The following ALDH1A2 variants were observed in gnomAD, a reference collection of about 807,000 sequenced individuals.
ALDH1A2 encodes the protein aldehyde dehydrogenase 1 family member A2, also known as retinal dehydrogenase 2.
A neutral mutation model predicts 60.3 loss-of-function variants in ALDH1A2; 27 were observed. That is an observed-to-expected ratio of 0.45 (90% CI 0.33 to 0.62). ALDH1A2 has a LOEUF of 0.62. ALDH1A2 is among the 20% of genes least tolerant of loss of function. ALDH1A2 has a pLI of 0.02. For synonymous variants in ALDH1A2, 289 were observed against 232.4 expected, an observed-to-expected ratio of 1.24 and a Z score of -2.21; for missense variants, 581 against 643.8, an observed-to-expected ratio of 0.90 and a Z score of 1.06.
chr15:58,009,447 C>A (rs1313319477), intron 4 of ALDH1A2, among the ~76,000 whole-genome samples: 1 of 151,862 alleles, frequency 6.6e-6, no homozygotes, highest in African/African-American at 2.4e-5. Flanking sequence ...TACTGCTCAG[C>A]CTGGCTAAGA....
intron 8 of ALDH1A2, chr15:57,964,902 G>C (rs1253181358): frequency 6.6e-6 from 1 of 152,186 alleles, no homozygotes; most frequent in Non-Finnish European, 1.5e-5. Context: ...AGCTAAAGCT[G>C]AACTCTGCAA....
chr15:58,027,582 C>T (rs187156827), intron 1 of ALDH1A2, among the ~76,000 whole-genome samples: 68 of 152,108 alleles, frequency 4.5e-4, no homozygotes, highest in South Asian at 4.2e-4. Flanking sequence ...TTCAGAAGGT[C>T]GGTAATAACA....
intron 7 of ALDH1A2, among the ~76,000 whole-genome samples, chr15:57,989,237 T>C (rs1272976387): frequency 3.3e-5 from 5 of 152,220 alleles, no homozygotes; most frequent in African/African-American, 1.2e-4. Context: ...CTAACACCTA[T>C]ATGATGACAT....
intron 1 of ALDH1A2, among the ~76,000 whole-genome samples, chr15:58,034,841 ATTC>A (rs1896335162): frequency 1.3e-5 from 2 of 151,584 alleles, no homozygotes; most frequent in African/African-American, 2.4e-5. Flanking sequence ...ATGGTGTATA[ATTC>A]TTTTTATACA....
intron 1 of ALDH1A2, among the ~76,000 whole-genome samples, chr15:58,047,861 A>C (rs1373845018): frequency 6.6e-6 from 1 of 152,030 alleles, no homozygotes; most frequent in African/African-American, 2.4e-5. Context: ...GTATAGAAAA[A>C]ACACCTAGAT....
intron 7 of ALDH1A2, among the ~76,000 whole-genome samples, chr15:57,967,546 C>T (rs1334713296): frequency 6.6e-6 from 1 of 152,172 alleles, no homozygotes; most frequent in Non-Finnish European, 1.5e-5. Flanking sequence ...GAAACTCCAA[C>T]TTCCCCTCAG....
intron 1 of ALDH1A2, among the ~76,000 whole-genome samples, chr15:58,022,509 T>C (rs1595672767): frequency 6.6e-6 from 1 of 151,964 alleles, no homozygotes; most frequent in Admixed American, 6.6e-5. Flanking sequence ...AACCACCTGG[T>C]CCACTGCTGC....
At chr15:58,046,566 T>C (rs983237267) in intron 1 of ALDH1A2, among the ~76,000 whole-genome samples, 2 of 152,028 alleles carry the variant, frequency 1.3e-5, no homozygotes, top group African/African-American at 4.8e-5. Flanking sequence ...GTCTGCCTTT[T>C]GCCACTTGTG....
At chr15:57,977,625 T>A (rs1267471476) in intron 7 of ALDH1A2, among the ~76,000 whole-genome samples, 1 of 152,248 alleles carries the variant, frequency 6.6e-6, no homozygotes, top group Admixed American at 6.5e-5. Context: ...AACCTTGTAG[T>A]AAAGTTTGAA....
Position 57,955,108 on chromosome 15 carries a change from C to G in ALDH1A2, c.*89G>C. The G allele has an allele frequency of 1.5e-6, 2 of 1,376,058 alleles. No individual in the cohort carries two copies. The highest frequency in any genetic ancestry group is 1.2e-5 in the South Asian group (1 of 86,214). 85.2% of individuals were successfully genotyped at this position (1,376,058 alleles called of 1,614,324 possible). ...CAATCTTTAAGTAAGGACCGTGGCTCAACTTTGTATTCCTGAGAGCTGGGC... is the reference window on the plus strand; with the variant it reads ...CAATCTTTAAGTAAGGACCGTGGCTGAACTTTGTATTCCTGAGAGCTGGGC... On this transcript the variant is annotated 3_prime_UTR_variant, in exon 13 of 13. Transcript: ENST00000249750.
chr15:58,013,520 G>T (rs1289698787), intron 3 of ALDH1A2, among the ~76,000 whole-genome samples: 4 of 151,898 alleles, frequency 2.6e-5, no homozygotes, highest in Non-Finnish European at 4.4e-5. Flanking sequence ...TTTTCCCCAG[G>T]TCTGCTTCAA....
intron 7 of ALDH1A2, among the ~76,000 whole-genome samples, chr15:57,988,017 G>C (rs1176650493): frequency 2.0e-5 from 3 of 152,062 alleles, no homozygotes; most frequent in African/African-American, 2.4e-5. Flanking sequence ...AATTATGCCA[G>C]AAGGAAATGG....
Position 57,965,796 on chromosome 15 carries a change from C to T in ALDH1A2, c.830G>A (p.Arg277Lys), listed in dbSNP as rs754090135. 1.2e-6 allele frequency: 2 copies of T among 1,614,176 alleles called. No homozygotes were observed. Among genetic ancestry groups the T allele is most frequent in the Non-Finnish European group, 1.7e-6 (2 of 1,179,992 alleles). ...VGKLIQEAAG[R>K]SNLKRVTLEL... ...CAGAGTTACTCTCTTCAAATTACTTCTTCCAGCTGCTTCTTGGATAAGCTT... is the reference window on the plus strand; with the variant it reads ...CAGAGTTACTCTCTTCAAATTACTTTTTCCAGCTGCTTCTTGGATAAGCTT... The change falls in exon 8 of 13, where the codon AGA (arginine) becomes AAA (lysine). Residue 277 changes from arginine (R) to lysine (K), a missense_variant. This residue lies in a region of ALDH1A2 where 375 missense variants were observed against 469.7 expected (regional missense o/e 0.80). Transcript: ENST00000249750.
chr15:57,988,876 A>G (rs1566939534), intron 7 of ALDH1A2, among the ~76,000 whole-genome samples: 1 of 111,038 alleles, frequency 9.0e-6, no homozygotes, highest in South Asian at 2.3e-4. Context: ...CCACTACCTG[A>G]TATTGTTATG....
intron 7 of ALDH1A2, among the ~76,000 whole-genome samples, chr15:57,981,721 A>T (rs978067619): frequency 1.1e-4 from 16 of 152,286 alleles, no homozygotes; most frequent in Admixed American, 2.6e-4. Context: ...CCCAAGCATT[A>T]ATTGTCCCAT....
intron 7 of ALDH1A2, among the ~76,000 whole-genome samples, chr15:57,981,490 C>A (rs1305593569): frequency 9.9e-5 from 15 of 152,166 alleles, no homozygotes; most frequent in African/African-American, 3.6e-4. Flanking sequence ...CTAATAGTTA[C>A]TGAATTCTTA....
chr15:58,060,036 C>T (rs772347900), intron 1 of ALDH1A2, among the ~76,000 whole-genome samples: 2 of 152,176 alleles, frequency 1.3e-5, no homozygotes, highest in Non-Finnish European at 2.9e-5. Flanking sequence ...GATTCTCCTG[C>T]CTCAGCCTTC....
At chr15:57,975,667 G>A (rs1478876259) in intron 7 of ALDH1A2, among the ~76,000 whole-genome samples, 2 of 152,132 alleles carry the variant, frequency 1.3e-5, no homozygotes, top group East Asian at 1.9e-4. Context: ...AAAAAAGAAC[G>A]AATTGATATG....
At chr15:57,971,975 T>C (rs1363369713) in intron 7 of ALDH1A2, among the ~76,000 whole-genome samples, 2 of 152,322 alleles carry the variant, frequency 1.3e-5, no homozygotes, top group East Asian at 3.9e-4. Flanking sequence ...CACGATCTTC[T>C]GGTCTTGATC....
Sources: gnomAD v4.1 joint callset for allele counts (sites outside exome capture counted in the v4.1 genomes callset) on GRCh38, gnomAD v4.1.1 for gene constraint, gnomAD v4.1.1 regional missense constraint, MANE v1.5 for transcripts, NCBI Gene and HGNC (gene_info 2026-07-23, HGNC 2026-07-21) for gene names.